ASCC3: variants seen among roughly 807,000 people sequenced by gnomAD.
ASCC3 encodes ASC-1 complex subunit P200.
In ASCC3, 158 loss-of-function variants were observed where a neutral mutation model predicts 256.3. That is an observed-to-expected ratio of 0.62 (90% CI 0.54 to 0.70). The LOEUF (loss-of-function observed/expected upper bound fraction) is 0.70, where lower values mean the gene tolerates loss of function less well. Among genes scored for constraint, ASCC3 ranks in the 30% least tolerant of loss-of-function variants. The pLI is 0.00. For missense variants in ASCC3, 2,259 were observed against 2,626.0 expected, an observed-to-expected ratio of 0.86 and a Z score of 3.05; for synonymous variants, 948 against 883.4, an observed-to-expected ratio of 1.07 and a Z score of -1.30.
At chr6:100,845,728 T>G (rs1031721126) in intron 4 of ASCC3, among the ~76,000 whole-genome samples, 2 of 152,196 alleles carry the variant, frequency 1.3e-5, no homozygotes, top group African/African-American at 4.8e-5. Flanking sequence ...AATGTAATCA[T>G]ATGAATATAC....
intron 5 of ASCC3, among the ~76,000 whole-genome samples, chr6:100,802,837 A>T (rs568902422): frequency 7.2e-4 from 109 of 150,552 alleles, no homozygotes; most frequent in African/African-American, 2.6e-3. Flanking sequence ...TCATCTTTAT[A>T]AAAAAAAAAT....
chr6:100,577,838 T>C (rs528456690), intron 36 of ASCC3, among the ~76,000 whole-genome samples: 1 of 152,186 alleles, frequency 6.6e-6, no homozygotes, highest in African/African-American at 2.4e-5. Flanking sequence ...GCCTTACACA[T>C]TGTAGACACA....
chr6:100,739,975 T>C (rs1025148179), intron 10 of ASCC3, among the ~76,000 whole-genome samples: 1 of 152,188 alleles, frequency 6.6e-6, no homozygotes, highest in African/African-American at 2.4e-5. Context: ...TCCTGCTAGC[T>C]TTGGGGTTTG....
chr6:100,550,239 C>T (rs1277295888), intron 36 of ASCC3, among the ~76,000 whole-genome samples: 2 of 151,778 alleles, frequency 1.3e-5, no homozygotes, highest in Admixed American at 1.3e-4. Context: ...GATCCTTTAT[C>T]AGAAGAAAAT....
intron 4 of ASCC3, 44 bp downstream of exon 4, chr6:100,848,104 G>A (rs1202597217): frequency 6.7e-7 from 1 of 1,497,506 alleles, no homozygotes. Context: ...ATTTCATTAG[G>A]ATAGTTCACA....
At position 100,517,126 on chromosome 6, in the gene ASCC3, A is replaced by C. The variant is rs6941559; in HGVS notation, c.5928-799T>G. Among the ~76,000 whole-genome samples, 8 of 152,204 alleles carry C rather than the reference A, an allele frequency of 5.3e-5. 1 individual carries two copies. Among genetic ancestry groups the C allele is most frequent in the African/African-American group, 1.9e-4 (8 of 41,518 alleles). ...TAGTTTCTAGGGACATCCCATGGTA[A>C]GAACCCAAGTACTATGGAGACAACT... On this transcript the variant is annotated intron_variant, in intron 38 of 41. Coordinates refer to ENST00000369162, the MANE Select transcript of ASCC3 (RefSeq NM_006828.4).
chr6:100,620,653 A>G (rs181469277), intron 30 of ASCC3, among the ~76,000 whole-genome samples: 3 of 152,200 alleles, frequency 2.0e-5, no homozygotes, highest in Admixed American at 2.0e-4. Flanking sequence ...TGCCAGACAC[A>G]CTGCTTCATA....
At chr6:100,736,345 A>T (rs561693485) in intron 10 of ASCC3, among the ~76,000 whole-genome samples, 111 of 152,264 alleles carry the variant, frequency 7.3e-4, no homozygotes, top group Non-Finnish European at 1.2e-3. Context: ...TCTACTAAAA[A>T]TACAAAATTA....
Position 100,607,032 on chromosome 6 carries a change from G to A in ASCC3, c.4842C>T (p.Phe1614=), listed in dbSNP as rs780346793. 27 of 1,613,474 alleles carry A rather than the reference G, an allele frequency of 1.7e-5. No individual in the cohort carries two copies. The highest frequency in any genetic ancestry group is 4.0e-5 in the African/African-American group (3 of 74,948). ...RDSNLKLTLA[F]GIGMHHAGLH... is the part of the protein sequence containing the mutation. The stretch of plus-strand genomic sequence containing the variant: ...GTCCAGCATGATGCATTCCTATCCC[G>A]AAAGCAAGGGTCAGCTTGAGGTTGG... The change falls in exon 31 of 42, where the codon TTC becomes TTT. Residue 1614 remains phenylalanine (F), a synonymous_variant. Coordinates refer to ENST00000369162, the MANE Select transcript of ASCC3 (RefSeq NM_006828.4).
chr6:100,823,432 G>A (rs946026748), intron 4 of ASCC3, among the ~76,000 whole-genome samples: 5 of 152,068 alleles, frequency 3.3e-5, no homozygotes, highest in African/African-American at 9.7e-5. Flanking sequence ...AAACATGAAC[G>A]AATGCAGCTC....
At position 100,848,499 on chromosome 6, in the gene ASCC3, C is replaced by A; in HGVS notation, c.450G>T (p.Val150=). ...CGCCATGTTCTTTTTCTGTCATCTG[C>A]ACAAGAGCAGTAAGATCATCTTGAC... is the stretch of plus-strand genomic sequence containing the variant. The part of the protein sequence containing the change: ...HFSQDDLTAL[V]QMTEKEHGDR... The change falls in exon 4 of 42, where the codon GTG becomes GTT. Residue 150 remains valine, a synonymous_variant. Coordinates refer to ENST00000369162, the MANE Select transcript of ASCC3 (RefSeq NM_006828.4). 6.2e-7 allele frequency: 1 copy of A among 1,614,040 alleles called. No individual in the cohort carries two copies. The highest frequency in any genetic ancestry group is 2.2e-5 in the East Asian group (1 of 44,864).
chr6:100,641,996 C>T (rs898235938), intron 24 of ASCC3, among the ~76,000 whole-genome samples: 3 of 142,488 alleles, frequency 2.1e-5, no homozygotes, highest in African/African-American at 8.0e-5. Flanking sequence ...GGAAACATCA[C>T]ACACCGCGGC....
chr6:100,722,321 T>A (rs1038368644), intron 11 of ASCC3, among the ~76,000 whole-genome samples: 10 of 151,718 alleles, frequency 6.6e-5, no homozygotes, highest in Admixed American at 6.6e-4. Context: ...ATTTGGGCTC[T>A]TTTTTTGGTT....
At chr6:100,586,392 G>A (rs574163661) in intron 36 of ASCC3, among the ~76,000 whole-genome samples, 1 of 152,296 alleles carries the variant, frequency 6.6e-6, no homozygotes, top group South Asian at 2.1e-4. Flanking sequence ...CGAGCCAGGT[G>A]CGAGATATAA....
intron 4 of ASCC3, among the ~76,000 whole-genome samples, chr6:100,839,069 C>T (rs1772016493): frequency 6.6e-6 from 1 of 151,914 alleles, no homozygotes; most frequent in Admixed American, 6.6e-5. Context: ...TATTTCTTCC[C>T]CATATCAATA....
At chr6:100,766,364 G>C (rs1562281589) in intron 10 of ASCC3, among the ~76,000 whole-genome samples, 1 of 152,142 alleles carries the variant, frequency 6.6e-6, no homozygotes, top group Non-Finnish European at 1.5e-5. Flanking sequence ...AAGAATTACA[G>C]GAGTTAGAAG....
intron 17 of ASCC3, 22 bp from the exon 18 acceptor site, chr6:100,652,911 C>T: frequency 1.2e-6 from 2 of 1,606,888 alleles, no homozygotes; most frequent in African/African-American, 1.3e-5. Context: ...AATATATAAA[C>T]AGTTGAATAG....
chr6:100,711,858 C>T (rs1045485140), intron 13 of ASCC3, among the ~76,000 whole-genome samples: 5 of 152,022 alleles, frequency 3.3e-5, no homozygotes, highest in African/African-American at 1.2e-4. Context: ...AAATGGAGAC[C>T]CAGAATAGCC....
chr6:100,702,877 T>C (rs1324679162), intron 13 of ASCC3, among the ~76,000 whole-genome samples: 1 of 152,180 alleles, frequency 6.6e-6, no homozygotes, highest in Non-Finnish European at 1.5e-5. Flanking sequence ...TGAATTTTCC[T>C]TGATATTTAG....
Sources: gnomAD v4.1 joint callset for allele counts (sites outside exome capture counted in the v4.1 genomes callset) on GRCh38, gnomAD v4.1.1 for gene constraint, MANE v1.5 for transcripts, NCBI Gene and HGNC (gene_info 2026-07-23, HGNC 2026-07-21) for gene names.